Variants in KIF6 observed in about 807,000 individuals in gnomAD.
KIF6 encodes the protein kinesin family member 6, also known as kinesin-like protein KIF6.
Under a neutral mutation model 112.7 loss-of-function variants are expected in KIF6, and 106 were observed. The ratio of observed to expected loss-of-function variants is 0.94; its 90% CI spans 0.80 to 1.11. The LOEUF (loss-of-function observed/expected upper bound fraction) is 1.11, where lower values mean the gene tolerates loss of function less well. KIF6 is among the 50% of genes least tolerant of loss of function. The pLI is 0.00. For synonymous variants in KIF6, 339 were observed against 339.9 expected (o/e 1.00, Z 0.03); for missense variants, 929 against 964.0 (o/e 0.96, Z 0.48).
At chr6:39,509,991 G>A (rs1257265024) in intron 13 of KIF6, among the ~76,000 whole-genome samples, 2 of 152,096 alleles carry the variant, frequency 1.3e-5, no homozygotes, top group Non-Finnish European at 2.9e-5. Context: ...GAAAGGTCGG[G>A]TTACCCACAA....
intron 13 of KIF6, among the ~76,000 whole-genome samples, chr6:39,444,829 TA>T (rs75229210): frequency 6.5e-3 from 909 of 139,506 alleles, no homozygotes; most frequent in Middle Eastern, 0.011. Flanking sequence ...CAGAGATGGT[TA>T]AAAAAAAAAA....
chr6:39,488,487 C>T (rs1276265642), intron 13 of KIF6, among the ~76,000 whole-genome samples: 1 of 152,148 alleles, frequency 6.6e-6, no homozygotes, highest in Non-Finnish European at 1.5e-5. Context: ...CCCTTTTCTC[C>T]CAGAAGCCTT....
chr6:39,698,353 C>A (rs144447549), intron 3 of KIF6, among the ~76,000 whole-genome samples: 1 of 152,184 alleles, frequency 6.6e-6, no homozygotes, highest in African/African-American at 2.4e-5. Context: ...AAGGATACTG[C>A]CTAGTTGTAA....
intron 11 of KIF6, among the ~76,000 whole-genome samples, chr6:39,545,052 T>C (rs1778993743): frequency 6.6e-6 from 1 of 152,236 alleles, no homozygotes; most frequent in African/African-American, 2.4e-5. Context: ...GATTATTCTT[T>C]ACAACATCTG....
chr6:39,619,609 T>C (rs1783706449), intron 5 of KIF6, among the ~76,000 whole-genome samples: 1 of 152,088 alleles, frequency 6.6e-6, no homozygotes, highest in Non-Finnish European at 1.5e-5. Context: ...GCCATGAAAA[T>C]GAACGTCACC....
At chr6:39,369,045 C>A (rs1390316849) in intron 16 of KIF6, among the ~76,000 whole-genome samples, 2 of 152,224 alleles carry the variant, frequency 1.3e-5, no homozygotes, top group Non-Finnish European at 2.9e-5. Flanking sequence ...CTGTCTCACA[C>A]AACCATAGAT....
intron 5 of KIF6, among the ~76,000 whole-genome samples, chr6:39,616,973 A>C (rs952847210): frequency 6.6e-6 from 1 of 151,930 alleles, no homozygotes; most frequent in African/African-American, 2.4e-5. Flanking sequence ...TTAATCTACC[A>C]CTTGGTTCTG....
At chr6:39,502,568 A>T (rs1325891338) in intron 13 of KIF6, among the ~76,000 whole-genome samples, 1 of 152,246 alleles carries the variant, frequency 6.6e-6, no homozygotes, top group Non-Finnish European at 1.5e-5. Flanking sequence ...TAAAAAACCT[A>T]GACCCATTGT....
chr6:39,365,215 C>G (rs1040431334), intron 16 of KIF6, among the ~76,000 whole-genome samples: 1 of 152,204 alleles, frequency 6.6e-6, no homozygotes, highest in African/African-American at 2.4e-5. Context: ...CATTGACCCC[C>G]CTTTTCCTTA....
At chr6:39,394,947 T>A (rs948694572) in intron 15 of KIF6, among the ~76,000 whole-genome samples, 23 of 152,224 alleles carry the variant, frequency 1.5e-4, no homozygotes, top group African/African-American at 5.3e-4. Context: ...CTCGGCCCTA[T>A]CTTGTGGAGG....
chr6:39,446,269 T>C (rs528510252), intron 13 of KIF6, among the ~76,000 whole-genome samples: 1 of 152,346 alleles, frequency 6.6e-6, no homozygotes, highest in East Asian at 1.9e-4. Flanking sequence ...CAGTACCTTG[T>C]GCATCTCTCC....
At chr6:39,397,478 A>G (rs1286421974) in intron 15 of KIF6, among the ~76,000 whole-genome samples, 4 of 152,160 alleles carry the variant, frequency 2.6e-5, no homozygotes, top group African/African-American at 9.7e-5. Flanking sequence ...ACATCCCACC[A>G]TTTTACAGAC....
At chr6:39,522,167 G>T (rs1777436382) in intron 13 of KIF6, among the ~76,000 whole-genome samples, 2 of 152,178 alleles carry the variant, frequency 1.3e-5, no homozygotes, top group South Asian at 2.1e-4. Flanking sequence ...TCAAGGGGAG[G>T]ATGTTTATTC....
At chr6:39,338,361 G>A (rs1270156383) in intron 22 of KIF6, among the ~76,000 whole-genome samples, 3 of 152,200 alleles carry the variant, frequency 2.0e-5, no homozygotes, top group Non-Finnish European at 4.4e-5. Flanking sequence ...CAGCTAGTGC[G>A]GAGGAAGAGA....
At chr6:39,458,156 C>G (rs1773259437) in intron 13 of KIF6, among the ~76,000 whole-genome samples, 1 of 148,322 alleles carries the variant, frequency 6.7e-6, no homozygotes, top group South Asian at 2.1e-4. Context: ...AGCAGCACAT[C>G]AAAAAGCTTA....
At chr6:39,506,061 C>T (rs533843527) in intron 13 of KIF6, among the ~76,000 whole-genome samples, 1 of 152,294 alleles carries the variant, frequency 6.6e-6, no homozygotes, top group African/African-American at 2.4e-5. Flanking sequence ...TGCATATGTT[C>T]ACTGCAGCAC....
At chr6:39,532,195 AGAGGCT>A (rs1175124882) in intron 13 of KIF6, among the ~76,000 whole-genome samples, 1 of 152,134 alleles carries the variant, frequency 6.6e-6, no homozygotes, top group Non-Finnish European at 1.5e-5. Flanking sequence ...CTCTGAGGTC[AGAGGCT>A]GTATTTGTCC....
chr6:39,424,614 A>T (rs1421075917), intron 14 of KIF6, among the ~76,000 whole-genome samples: 1 of 152,216 alleles, frequency 6.6e-6, no homozygotes, highest in Non-Finnish European at 1.5e-5. Context: ...CTCACCTCTT[A>T]GCGACTGGGT....
At chr6:39,428,310 C>T (rs927864098) in intron 14 of KIF6, among the ~76,000 whole-genome samples, 12 of 152,150 alleles carry the variant, frequency 7.9e-5, no homozygotes, top group African/African-American at 2.4e-4. Context: ...GCTGAAGGTT[C>T]TTTGGAAGTC....
Sources: gnomAD v4.1 joint callset for allele counts (sites outside exome capture counted in the v4.1 genomes callset) on GRCh38, gnomAD v4.1.1 for gene constraint, MANE v1.5 for transcripts, NCBI Gene and HGNC (gene_info 2026-07-23, HGNC 2026-07-21) for gene names.